Variants in PRIMPOL observed in about 807,000 individuals in gnomAD.
The protein encoded by PRIMPOL is DNA-directed primase/polymerase protein.
A neutral mutation model predicts 63.6 loss-of-function variants in PRIMPOL; 54 were observed. The observed-to-expected ratio is 0.85, with a 90% CI of 0.68 to 1.07. The LOEUF (loss-of-function observed/expected upper bound fraction) is 1.07. PRIMPOL is among the 50% of genes least tolerant of loss of function. The probability of loss-of-function intolerance (pLI) is 0.00; values close to 1 mark genes in which losing one functional copy is unlikely to be tolerated. For synonymous variants in PRIMPOL, 197 were observed against 220.2 expected, an observed-to-expected ratio of 0.89 and a Z score of 0.93; for missense variants, 610 against 648.3, an observed-to-expected ratio of 0.94 and a Z score of 0.64.
At chr4:184,651,713 A>G (rs1215534605) in intron 1 of PRIMPOL, among the ~76,000 whole-genome samples, 3 of 152,134 alleles carry the variant, frequency 2.0e-5, no homozygotes, top group South Asian at 4.2e-4. Context: ...CAGTGGTGCA[A>G]TCTCGGCTCA....
intron 5 of PRIMPOL, among the ~76,000 whole-genome samples, chr4:184,664,268 G>A (rs1202283734): frequency 6.6e-6 from 1 of 152,166 alleles, no homozygotes; most frequent in African/African-American, 2.4e-5. Flanking sequence ...ATAGTTTTTA[G>A]TCCCTACTAA....
At chr4:184,678,716 TG>T (rs1457406659) in intron 8 of PRIMPOL, among the ~76,000 whole-genome samples, 1 of 151,794 alleles carries the variant, frequency 6.6e-6, no homozygotes, top group East Asian at 1.9e-4. Context: ...TTAGTAGAGA[TG>T]GGGTTTCACC....
In PRIMPOL at chr4:184,659,435, C is replaced by A; in HGVS notation, c.276C>A (p.Ser92=). Residue 92 remains serine, a splice_region_variant and synonymous_variant, in exon 4 of 14, where the codon TCC becomes TCA. Coordinates refer to ENST00000314970, the MANE Select transcript of PRIMPOL (RefSeq NM_152683.4). ...TYAEFWFYYK[S]RKNLLHCYEV... ...CTGAATTTTGGTTTTACTATAAATC[C>A]AGGTAGGTAGCATGCAGCAGAACCA... The A allele has an allele frequency of 6.3e-7, 1 of 1,599,656 alleles. No homozygotes were observed.
intron 9 of PRIMPOL, among the ~76,000 whole-genome samples, chr4:184,684,487 A>G (rs1756506632): frequency 6.6e-6 from 1 of 152,156 alleles, no homozygotes. Flanking sequence ...GATATTTAAA[A>G]TAGGTCATTC....
At chr4:184,682,020 C>G (rs528171089) in intron 8 of PRIMPOL, among the ~76,000 whole-genome samples, 97 of 152,270 alleles carry the variant, frequency 6.4e-4, no homozygotes, top group Middle Eastern at 3.4e-3. Context: ...AATCACCAAC[C>G]TACTCTTTTA....
chr4:184,690,283 G>C (rs1051444498), intron 11 of PRIMPOL, among the ~76,000 whole-genome samples: 1 of 151,878 alleles, frequency 6.6e-6, no homozygotes, highest in Non-Finnish European at 1.5e-5. Flanking sequence ...ACTGGCAAAA[G>C]TTGTTCACAA....
rs559950823 is a variant in PRIMPOL at position 184,692,061 on chromosome 4, A to G, written c.1425+349A>G. On this transcript the variant is annotated intron_variant, in intron 13 of 13. Transcript: ENST00000314970. ...GAATTTCTAGAAGTAGAATTGTGTC[A>G]AAGGGCATATTCAGTTTTAATTTTG... is the stretch of plus-strand genomic sequence containing the variant. 5.1e-4 allele frequency among the ~76,000 whole-genome samples: 78 copies of G among 152,316 alleles called. 1 individual carries two copies. Among genetic ancestry groups the G allele is most frequent in the Non-Finnish European group, 1.0e-3 (71 of 68,024 alleles).
intron 2 of PRIMPOL, among the ~76,000 whole-genome samples, chr4:184,655,319 G>A (rs1392284189): frequency 6.9e-6 from 1 of 145,734 alleles, no homozygotes; most frequent in Admixed American, 6.9e-5. Flanking sequence ...CTACCCTCTC[G>A]TAATCTTTTT....
At chr4:184,650,559 G>T (rs1420247944) in intron 1 of PRIMPOL, among the ~76,000 whole-genome samples, 1 of 152,220 alleles carries the variant, frequency 6.6e-6, no homozygotes, top group Non-Finnish European at 1.5e-5. Context: ...TAAAAATGGG[G>T]TCTTCTCCTA....
Position 184,685,467 on chromosome 4 carries a change from T to G in PRIMPOL, c.1155T>G (p.Leu385=). Residue 385 remains leucine, a synonymous_variant, in exon 10 of 14, where the codon CTT becomes CTG. Transcript: ENST00000314970. ...ATCCTGAAGTTGATCATTTTGTTCT[T>G]TCTTTGGTGAATAAAGATGGCATTA... ...SPYPEVDHFV[L]SLVNKDGIKG... is the part of the protein sequence containing the mutation. 1 of 1,613,174 alleles carries G rather than the reference T, an allele frequency of 6.2e-7. No individual in the cohort carries two copies. The highest frequency in any genetic ancestry group is 1.1e-5 in the South Asian group (1 of 91,074).
intron 2 of PRIMPOL, among the ~76,000 whole-genome samples, chr4:184,652,420 A>G (rs1197112212): frequency 1.3e-5 from 2 of 151,634 alleles, no homozygotes; most frequent in African/African-American, 4.9e-5. Flanking sequence ...AAAAAAAAGC[A>G]CAATATATCG....
At chr4:184,669,899 T>C (rs72689266) in intron 6 of PRIMPOL, among the ~76,000 whole-genome samples, 19,882 of 152,144 alleles carry the variant, frequency 0.13, 1,397 homozygotes, top group Middle Eastern at 0.17. Context: ...TGTTTCTTCC[T>C]TTAGTGTGTC....
Position 184,657,206 on chromosome 4 carries a change from A to G in PRIMPOL, c.66A>G (p.Lys22=). The G allele has an allele frequency of 6.2e-7, 1 of 1,613,142 alleles. No individual in the cohort carries two copies. Among genetic ancestry groups the G allele is most frequent in the Non-Finnish European group, 8.5e-7 (1 of 1,179,632 alleles). The change falls in exon 3 of 14, where the codon AAA becomes AAG. Residue 22 remains lysine, a synonymous_variant. Coordinates refer to ENST00000314970, the MANE Select transcript of PRIMPOL (RefSeq NM_152683.4). ...IEERASHYER[K]PLSSVYRPRL... ...AACGAGCATCTCATTATGAGAGGAA[A>G]CCGTTGTCCTCAGTGTATAGACCAA...
intron 2 of PRIMPOL, among the ~76,000 whole-genome samples, chr4:184,656,476 G>A (rs1205107529): frequency 2.6e-5 from 4 of 152,064 alleles, no homozygotes; most frequent in South Asian, 2.1e-4. Context: ...TTACTCTGGC[G>A]TGGTTGACAT....
At chr4:184,686,309 GC>G (rs1442139743) in intron 11 of PRIMPOL, among the ~76,000 whole-genome samples, 5 of 152,188 alleles carry the variant, frequency 3.3e-5, no homozygotes, top group Admixed American at 3.3e-4. Context: ...TGGGAAGCAT[GC>G]CTGTCCTTCC....
In PRIMPOL at chr4:184,672,862, G is replaced by A. The variant is rs564312115; in HGVS notation, c.844+402G>A. ...GGTGAGCCTGGGTGTTCTCCTCACC[G>A]AAGATCTCAGTGGTAGTGGCAGGGC... On this transcript the variant is annotated intron_variant, in intron 7 of 13. Transcript: ENST00000314970. 8.3e-4 allele frequency among the ~76,000 whole-genome samples: 126 copies of A among 152,250 alleles called. 1 individual carries two copies. The highest frequency in any genetic ancestry group is 2.9e-3 in the African/African-American group (122 of 41,546).
chr4:184,682,727 G>A (rs1325473745), intron 9 of PRIMPOL, among the ~76,000 whole-genome samples: 1 of 152,022 alleles, frequency 6.6e-6, no homozygotes, highest in East Asian at 1.9e-4. Flanking sequence ...AATCTTCAGT[G>A]TTAAGTGTTC....
intron 8 of PRIMPOL, 76 bp downstream of exon 8, chr4:184,678,470 A>T (rs1298410940): frequency 8.6e-6 from 9 of 1,052,030 alleles, no homozygotes; most frequent in Admixed American, 8.1e-5. Context: ...TATATTACTA[A>T]AATGTAAATC....
intron 6 of PRIMPOL, among the ~76,000 whole-genome samples, chr4:184,669,414 C>T (rs148860747): frequency 8.5e-4 from 130 of 152,260 alleles, no homozygotes; most frequent in African/African-American, 2.9e-3. Flanking sequence ...TGAATAAATC[C>T]CTTCCAAATG....
Sources: gnomAD v4.1 joint callset for allele counts (sites outside exome capture counted in the v4.1 genomes callset) on GRCh38, gnomAD v4.1.1 for gene constraint, MANE v1.5 for transcripts, NCBI Gene and HGNC (gene_info 2026-07-23, HGNC 2026-07-21) for gene names.